Variants in ACYP2 observed in about 807,000 individuals in gnomAD.
The protein encoded by ACYP2 is acylphosphatase 2.
A neutral mutation model predicts 11.2 loss-of-function variants in ACYP2; 12 were observed. The ratio of observed to expected loss-of-function variants is 1.08; its 90% CI spans 0.69 to 1.74. ACYP2 has a LOEUF of 1.74. ACYP2 is among the 40% of genes most tolerant of loss of function. ACYP2 has a pLI of 0.00. For synonymous variants in ACYP2, 43 were observed against 32.2 expected, an observed-to-expected ratio of 1.33 and a Z score of -1.13; for missense variants, 134 against 101.9, an observed-to-expected ratio of 1.31 and a Z score of -1.35.
chr2:53,977,716 C>T (rs1016155795), intron 2 of ACYP2, among the ~76,000 whole-genome samples: 1 of 137,924 alleles, frequency 7.3e-6, no homozygotes, highest in Admixed American at 7.8e-5. Flanking sequence ...GCCTGGGTGG[C>T]AGAGCAAGAC....
intron 2 of ACYP2, chr2:54,029,428 T>TAC (rs1674467120): frequency 4.6e-6 from 1 of 217,712 alleles, no homozygotes; most frequent in Non-Finnish European, 9.1e-6. Flanking sequence ...TACATATATA[T>TAC]ACACACATAT....
At position 54,270,031 on chromosome 2, in the gene ACYP2, C is replaced by A. The variant is rs1688212106; in HGVS notation, c.405-34657C>A. On this transcript the variant is annotated intron_variant, in intron 6 of 6. Transcript: ENST00000607452. ...TTAGGCATCTAATTTACTTAAATTT[C>A]TTCATATGCAAATAGTATGTTTATG... Among the ~76,000 whole-genome samples the A allele has an allele frequency of 2.0e-5, 3 of 151,888 alleles. No homozygotes were observed. In the South Asian group the frequency reaches 6.2e-4, roughly 31 times the overall value.
chr2:54,138,578 T>C, intron 5 of ACYP2, 61 bp from the exon 3 acceptor site: 2 of 1,319,924 alleles, frequency 1.5e-6, no homozygotes, highest in East Asian at 4.8e-5. Flanking sequence ...TAGAATCAAG[T>C]ATGTTATGAA....
intron 1 of ACYP2, chr2:53,971,404 T>G (rs567355496): frequency 3.9e-5 from 6 of 152,396 alleles, no homozygotes; most frequent in East Asian, 1.9e-4. Context: ...CACTTGCTCC[T>G]TATAGATTTA....
chr2:54,120,583 C>T (rs1012614090), intron 4 of ACYP2, among the ~76,000 whole-genome samples: 1 of 152,126 alleles, frequency 6.6e-6, no homozygotes, highest in African/African-American at 2.4e-5. Flanking sequence ...AGAATTCTTT[C>T]AGTGCCACTT....
At chr2:54,272,391 G>C (rs566326291) in intron 6 of ACYP2, among the ~76,000 whole-genome samples, 3 of 152,202 alleles carry the variant, frequency 2.0e-5, no homozygotes, top group Non-Finnish European at 2.9e-5. Context: ...AGGGATCTCA[G>C]AGCTGAATCC....
intron 6 of ACYP2, among the ~76,000 whole-genome samples, chr2:54,202,729 TTTTTTTTTTTTTTTTTTTG>T (rs2103913862): frequency 1.7e-5 from 2 of 119,150 alleles, no homozygotes; most frequent in African/African-American, 3.4e-5. Context: ...TTTTTTTTTT[TTTTTTTTTTTTTTTTTTTG>T]AGATGAGTCT....
intron 2 of ACYP2, among the ~76,000 whole-genome samples, chr2:54,012,129 A>T (rs1342955185): frequency 6.6e-6 from 1 of 151,846 alleles, no homozygotes; most frequent in Non-Finnish European, 1.5e-5. Context: ...CCAGCTACTC[A>T]GGTGGCTGAG....
intron 2 of ACYP2, among the ~76,000 whole-genome samples, chr2:54,000,838 G>T (rs1405995626): frequency 6.6e-6 from 1 of 152,166 alleles, no homozygotes; most frequent in Non-Finnish European, 1.5e-5. Flanking sequence ...CTTCAAAGGG[G>T]ATATGGAAGG....
At chr2:54,265,295 CA>C (rs1428533494) in intron 6 of ACYP2, among the ~76,000 whole-genome samples, 6 of 152,004 alleles carry the variant, frequency 3.9e-5, no homozygotes, top group Non-Finnish European at 7.4e-5. Context: ...TGGCAGCAGG[CA>C]AAGAGAGACA....
At chr2:54,081,985 C>G (rs1421621) in intron 4 of ACYP2, among the ~76,000 whole-genome samples, 1 of 152,164 alleles carries the variant, frequency 6.6e-6, no homozygotes, top group Admixed American at 6.5e-5. Context: ...ATTCTAAAGC[C>G]TAAGACACAA....
At chr2:54,165,527 T>TCACA (rs1409138197) in intron 6 of ACYP2, among the ~76,000 whole-genome samples, 8 of 140,826 alleles carry the variant, frequency 5.7e-5, no homozygotes, top group East Asian at 4.1e-4. Flanking sequence ...TCTCTCTCTC[T>TCACA]CTCTCTCTCA....
intron 6 of ACYP2, among the ~76,000 whole-genome samples, chr2:54,144,187 G>A (rs952740430): frequency 6.6e-5 from 10 of 151,684 alleles, no homozygotes; most frequent in African/African-American, 2.2e-4. Context: ...TGCCCAGGCT[G>A]GTGTTGAACT....
chr2:54,016,835 C>T (rs1281766318), intron 2 of ACYP2, among the ~76,000 whole-genome samples: 1 of 151,472 alleles, frequency 6.6e-6, no homozygotes, highest in Non-Finnish European at 1.5e-5. Flanking sequence ...ACGCCATTCT[C>T]CTGCCTCAGC....
At chr2:54,115,522 G>C in intron 4 of ACYP2, 93 bp from the exon 1 acceptor site, 1 of 1,478,174 alleles carries the variant, frequency 6.8e-7, no homozygotes, top group Non-Finnish European at 9.0e-7. Flanking sequence ...CTCGCTCCCA[G>C]GCCCCGCAGT....
chr2:53,980,343 ACCCTGTCT>A (rs1368670655), intron 2 of ACYP2, among the ~76,000 whole-genome samples: 2 of 151,784 alleles, frequency 1.3e-5, no homozygotes, highest in African/African-American at 4.8e-5. Context: ...ATAGAGTGAG[ACCCTGTCT>A]CAAAAAAAAA....
intron 6 of ACYP2, among the ~76,000 whole-genome samples, chr2:54,243,990 A>T (rs1572983339): frequency 6.6e-6 from 1 of 150,474 alleles, no homozygotes; most frequent in East Asian, 1.9e-4. Context: ...AGCCTTCCCC[A>T]CTCTGAGTTA....
rs569451878 is a variant in ACYP2 at position 54,189,648 on chromosome 2, G to T, written c.404+50900G>T. Reference sequence around the variant, plus strand: ...ATTGTTTCTCTATCTTGGCTATTGTGAATAACGCTGCAATGAGCATGAGAG... The same window carrying T: ...ATTGTTTCTCTATCTTGGCTATTGTTAATAACGCTGCAATGAGCATGAGAG... On this transcript the variant is annotated intron_variant, in intron 6 of 6. Transcript: ENST00000607452. Among the ~76,000 whole-genome samples, 47 of 152,084 alleles carry T rather than the reference G, an allele frequency of 3.1e-4. 2 individuals carry two copies. In the South Asian group the frequency reaches 9.1e-3, roughly 30 times the overall value.
At chr2:54,138,232 A>G (rs1681378687) in intron 5 of ACYP2, among the ~76,000 whole-genome samples, 1 of 152,054 alleles carries the variant, frequency 6.6e-6, no homozygotes, top group African/African-American at 2.4e-5. Context: ...TCATAATTGT[A>G]TATGTTTTTT....
Sources: gnomAD v4.1 joint callset for allele counts (sites outside exome capture counted in the v4.1 genomes callset) on GRCh38, gnomAD v4.1.1 for gene constraint, MANE v1.5 for transcripts, NCBI Gene and HGNC (gene_info 2026-07-23, HGNC 2026-07-21) for gene names.